Variants in PTPRT observed in about 807,000 individuals in gnomAD.
The protein encoded by PTPRT is protein tyrosine phosphatase receptor type T.
In PTPRT, 56 loss-of-function variants were observed where a neutral mutation model predicts 176.8. The ratio of observed to expected loss-of-function variants is 0.32; its 90% CI spans 0.26 to 0.40. The LOEUF is 0.40. Among genes scored for constraint, PTPRT ranks in the 10% least tolerant of loss-of-function variants. The probability of loss-of-function intolerance (pLI) is 1.00; values close to 1 mark genes in which losing one functional copy is unlikely to be tolerated. For synonymous variants in PTPRT, 783 were observed against 739.0 expected (o/e 1.06, Z -0.96); for missense variants, 1,540 against 1,908.2 (o/e 0.81, Z 3.60).
At chr20:42,544,979 A>T (rs1418761771) in intron 7 of PTPRT, among the ~76,000 whole-genome samples, 3 of 151,858 alleles carry the variant, frequency 2.0e-5, no homozygotes, top group Admixed American at 2.0e-4. Context: ...ATGGCTGTAC[A>T]CTCCCCAGCT....
At chr20:43,161,025 A>G (rs1380603861) in intron 1 of PTPRT, among the ~76,000 whole-genome samples, 1 of 152,160 alleles carries the variant, frequency 6.6e-6, no homozygotes, top group Admixed American at 6.5e-5. Flanking sequence ...AAGTGCTGGG[A>G]TTACAGCCAT....
At chr20:42,581,531 A>T (rs1170636049) in intron 7 of PTPRT, among the ~76,000 whole-genome samples, 6 of 23,236 alleles carry the variant, frequency 2.6e-4, no homozygotes, top group Non-Finnish European at 3.8e-4. Context: ...GTGGCTGCAT[A>T]AAAAAAAAAA....
At chr20:42,627,776 TC>T (rs1158205858) in intron 7 of PTPRT, among the ~76,000 whole-genome samples, 1 of 152,052 alleles carries the variant, frequency 6.6e-6, no homozygotes, top group Non-Finnish European at 1.5e-5. Context: ...AAAAAAAGCT[TC>T]TCCAACATTT....
intron 8 of PTPRT, among the ~76,000 whole-genome samples, chr20:42,462,135 G>A (rs1019904883): frequency 6.6e-6 from 1 of 152,156 alleles, no homozygotes. Flanking sequence ...TGTGGGCAAT[G>A]AGAGCTGGAG....
At chr20:42,856,193 A>G (rs922388658) in intron 2 of PTPRT, among the ~76,000 whole-genome samples, 1 of 152,306 alleles carries the variant, frequency 6.6e-6, no homozygotes, top group East Asian at 1.9e-4. Context: ...AAGCCCCCAG[A>G]GGCTTTTTGC....
rs112916567 is a variant in PTPRT at position 42,829,267 on chromosome 20, G to C, written c.215-37801C>G. Reference sequence around the variant, plus strand: ...GGCCAACATCTCCCATTTGGAATGGGTGTATTTACCCAATGCCCGTACCTC... The same window carrying C: ...GGCCAACATCTCCCATTTGGAATGGCTGTATTTACCCAATGCCCGTACCTC... On this transcript the variant is annotated intron_variant, in intron 2 of 30. Coordinates refer to ENST00000373187, the MANE Select transcript of PTPRT (RefSeq NM_007050.6). 4.8e-3 allele frequency among the ~76,000 whole-genome samples: 724 copies of C among 152,336 alleles called. 12 individuals are homozygous for C. Among genetic ancestry groups the C allele is most frequent in the African/African-American group, 0.016 (684 of 41,574 alleles).
chr20:42,085,937 T>C, intron 27 of PTPRT, 84 bp from the exon 28 acceptor site: 1 of 1,416,466 alleles, frequency 7.1e-7, no homozygotes, highest in Non-Finnish European at 9.6e-7. Context: ...GCTTTTCTTT[T>C]CTTTTTTTCT....
At chr20:42,539,555 AC>A (rs929930762) in intron 7 of PTPRT, among the ~76,000 whole-genome samples, 6 of 151,904 alleles carry the variant, frequency 3.9e-5, no homozygotes, top group Admixed American at 3.9e-4. Context: ...AGACACAGAT[AC>A]CTGGAGAAAG....
At chr20:42,944,389 A>C (rs1241960376) in intron 1 of PTPRT, among the ~76,000 whole-genome samples, 1 of 152,200 alleles carries the variant, frequency 6.6e-6, no homozygotes, top group Non-Finnish European at 1.5e-5. Context: ...AATAGCAGTG[A>C]CACTCCTGGA....
intron 1 of PTPRT, among the ~76,000 whole-genome samples, chr20:43,058,642 G>A (rs1987336251): frequency 1.3e-5 from 2 of 152,102 alleles, no homozygotes; most frequent in Non-Finnish European, 2.9e-5. Flanking sequence ...ATAACAAAGT[G>A]GTCATCAGTG....
intron 7 of PTPRT, among the ~76,000 whole-genome samples, chr20:42,638,682 TAAGCACCGAACCAGTA>T (rs2074666076): frequency 1.3e-5 from 2 of 152,154 alleles, no homozygotes; most frequent in Non-Finnish European, 2.9e-5. Context: ...CAGAATGGAA[TAAGCACCGAACCAGTA>T]AAATTTCTTT....
the PTPRT span, among the ~76,000 whole-genome samples, chr20:42,066,671 A>T: frequency 1.3e-5 from 2 of 152,216 alleles, no homozygotes; most frequent in African/African-American, 2.4e-5. Context: ...TTCTTCTCTG[A>T]TAGCAGGTCA....
Position 42,115,966 on chromosome 20 carries a change from G to A in PTPRT, c.2983-651C>T, listed in dbSNP as rs1043575420. 3.1e-4 allele frequency: 219 copies of A among 707,108 alleles called. 2 individuals are homozygous for A. The East Asian group carries it at 4.4e-3, about 14-fold the overall frequency. The allele number at this position is 707,108 out of a possible 1,614,324, so 43.8% of individuals were successfully genotyped here. On this transcript the variant is annotated intron_variant, in intron 21 of 30. Transcript: ENST00000373187. Reference sequence around the variant, plus strand: ...GACGCGAGCAAGCCATTCCCCAGTCGACTGTTTAAGTCGCACTCATGGATG... The same window carrying A: ...GACGCGAGCAAGCCATTCCCCAGTCAACTGTTTAAGTCGCACTCATGGATG...
At chr20:43,185,817 A>T (rs186367818) in intron 1 of PTPRT, among the ~76,000 whole-genome samples, 1 of 152,284 alleles carries the variant, frequency 6.6e-6, no homozygotes, top group Admixed American at 6.5e-5. Flanking sequence ...TCATAATCCC[A>T]GCTACTTGGG....
At chr20:43,060,921 C>T (rs1987429607) in intron 1 of PTPRT, among the ~76,000 whole-genome samples, 1 of 152,172 alleles carries the variant, frequency 6.6e-6, no homozygotes, top group Non-Finnish European at 1.5e-5. Flanking sequence ...GGAGTGCATG[C>T]ATTAGCCAAA....
chr20:42,354,788 C>T (rs2058335106), intron 9 of PTPRT, among the ~76,000 whole-genome samples: 1 of 152,218 alleles, frequency 6.6e-6, no homozygotes, highest in Admixed American at 6.5e-5. Flanking sequence ...GGCAATGGCA[C>T]CAAGTGTTTT....
At chr20:42,308,122 T>TAAA (rs891860342) in intron 12 of PTPRT, among the ~76,000 whole-genome samples, 2 of 152,088 alleles carry the variant, frequency 1.3e-5, no homozygotes, top group Non-Finnish European at 1.5e-5. Flanking sequence ...AACTCATGAA[T>TAAA]AATCCACCCC....
intron 1 of PTPRT, among the ~76,000 whole-genome samples, chr20:43,018,889 G>A (rs1568736128): frequency 6.6e-6 from 1 of 152,084 alleles, no homozygotes; most frequent in East Asian, 1.9e-4. Context: ...AGGGAGAATG[G>A]ATATTGTTAC....
intron 2 of PTPRT, among the ~76,000 whole-genome samples, chr20:42,836,453 C>T (rs1047695144): frequency 1.3e-5 from 2 of 152,190 alleles, no homozygotes; most frequent in African/African-American, 4.8e-5. Context: ...AGATTAGAAG[C>T]TGATCCTCAT....
Sources: gnomAD v4.1 joint callset for allele counts (sites outside exome capture counted in the v4.1 genomes callset) on GRCh38, gnomAD v4.1.1 for gene constraint, MANE v1.5 for transcripts, NCBI Gene and HGNC (gene_info 2026-07-23, HGNC 2026-07-21) for gene names.